ZNF254: variants seen among roughly 807,000 people sequenced by gnomAD.
ZNF254 encodes the protein zinc finger protein 254.
Under a neutral mutation model 12.4 loss-of-function variants are expected in ZNF254, and 10 were observed. That is an observed-to-expected ratio of 0.80 (90% CI 0.50 to 1.36). ZNF254 has a LOEUF of 1.36. ZNF254 is among the 40% of genes most tolerant of loss of function. ZNF254 has a pLI of 0.00. For missense variants in ZNF254, 996 were observed against 763.9 expected (o/e 1.30, Z -3.58); for synonymous variants, 305 against 253.4 (o/e 1.20, Z -1.93).
At chr19:24,094,087 C>T (rs1000196943) in intron 1 of ZNF254, among the ~76,000 whole-genome samples, 3 of 152,066 alleles carry the variant, frequency 2.0e-5, no homozygotes, top group African/African-American at 7.2e-5. Context: ...TGTTGATTTA[C>T]AGGGACGCTA....
chr19:24,061,402 G>C (rs1461289928), intron 2 of ZNF254, among the ~76,000 whole-genome samples: 1 of 152,176 alleles, frequency 6.6e-6, no homozygotes, highest in Non-Finnish European at 1.5e-5. Context: ...GGGTTCTTGT[G>C]ACATATATCT....
intron 3 of ZNF254, among the ~76,000 whole-genome samples, chr19:24,117,629 C>T (rs1974184562): frequency 6.6e-6 from 1 of 152,156 alleles, no homozygotes; most frequent in African/African-American, 2.4e-5. Context: ...AGGGAACTCC[C>T]TGACCCCTTG....
chr19:24,091,114 A>G (rs933343826), intron 1 of ZNF254, among the ~76,000 whole-genome samples: 1 of 151,534 alleles, frequency 6.6e-6, no homozygotes, highest in Middle Eastern at 3.2e-3. Flanking sequence ...ACACCTAGCT[A>G]ATTTTTGTAT....
rs1216995350 is a variant in ZNF254, at chr19:24,126,672, C to A, written c.672C>A (p.Thr224=). The change falls in exon 4 of 4, where the codon ACC becomes ACA. Residue 224 remains threonine, a synonymous_variant. Coordinates refer to ENST00000357002, the MANE Select transcript of ZNF254 (RefSeq NM_203282.4). ...GAAAAACCTTTAATTGGTCCTCAAC[C>A]CTTACTAATCATAGGAAAATTTATA... is the stretch of plus-strand genomic sequence containing the variant. ...ECGKTFNWSS[T]LTNHRKIYTE... 1.9e-6 allele frequency: 3 copies of A among 1,613,040 alleles called. No homozygotes were observed. The highest frequency in any genetic ancestry group is 2.7e-5 in the African/African-American group (2 of 74,868).
chr19:24,105,797 T>C lies in ZNF254; in HGVS notation c.31-143T>C. The stretch of plus-strand genomic sequence containing the variant: ...GAGAATACATTAGAAAATGTTCATG[T>C]GTTGACAATTATTTTATTGGATAAT... On this transcript the variant is annotated intron_variant, in intron 1 of 3. Coordinates refer to ENST00000357002, the MANE Select transcript of ZNF254 (RefSeq NM_203282.4). 2.3e-6 allele frequency: 3 copies of C among 1,328,316 alleles called. No homozygotes were observed. The East Asian group carries it at 8.9e-5, about 39-fold the overall frequency. 82.3% of individuals were successfully genotyped at this position (1,328,316 alleles called of 1,614,324 possible). A position where few individuals can be genotyped will look rare whatever the true frequency, so the allele number is the denominator to read the frequency against.
rs146027769 is a variant in ZNF254, at chr19:24,050,426, C to T, written c.-94+4147C>T. Among the ~76,000 whole-genome samples, 968 of 152,304 alleles carry T rather than the reference C, an allele frequency of 6.4e-3. 5 individuals are homozygous for T. Among genetic ancestry groups the T allele is most frequent in the Non-Finnish European group, 0.011 (725 of 68,024 alleles). On this transcript the variant is annotated intron_variant, in intron 2 of 4. Coordinates refer to the ZNF254 transcript ENST00000613065. Reference sequence around the variant, plus strand: ...CCACCCGCCTTGACCTCCCAATGTGCTGAGATTACAGGTGTGAACCATTGC... The same window carrying T: ...CCACCCGCCTTGACCTCCCAATGTGTTGAGATTACAGGTGTGAACCATTGC...
intron 1 of ZNF254, chr19:24,104,373 G>T (rs1181006503): frequency 1.3e-5 from 2 of 152,248 alleles, no homozygotes; most frequent in Non-Finnish European, 2.9e-5. Context: ...CAAGATGCAG[G>T]TGTAATTAGT....
At chr19:24,062,752 C>T (rs114582071) in intron 2 of ZNF254, among the ~76,000 whole-genome samples, 3 of 152,226 alleles carry the variant, frequency 2.0e-5, no homozygotes, top group Non-Finnish European at 2.9e-5. Flanking sequence ...GTTAGTGACT[C>T]GTTAACCAAA....
chr19:24,055,590 T>C (rs1425238012), intron 2 of ZNF254, among the ~76,000 whole-genome samples: 1 of 152,152 alleles, frequency 6.6e-6, no homozygotes, highest in Non-Finnish European at 1.5e-5. Flanking sequence ...AGATTTTCAC[T>C]GTTATATGAA....
intron 1 of ZNF254, among the ~76,000 whole-genome samples, chr19:24,088,963 T>A (rs1434264984): frequency 8.4e-6 from 1 of 119,366 alleles, no homozygotes; most frequent in Non-Finnish European, 1.8e-5. Flanking sequence ...GGCCAATTAA[T>A]CTTTTTTTTT....
chr19:24,108,319 T>C (rs948155898), intron 3 of ZNF254, among the ~76,000 whole-genome samples: 7 of 152,060 alleles, frequency 4.6e-5, no homozygotes, highest in Admixed American at 4.6e-4. Flanking sequence ...GTTTACAGAG[T>C]AAGTTTAAAA....
At chr19:24,117,575 C>G (rs142293137) in intron 3 of ZNF254, among the ~76,000 whole-genome samples, 1 of 152,062 alleles carries the variant, frequency 6.6e-6, no homozygotes, top group Non-Finnish European at 1.5e-5. Flanking sequence ...GGGAGTGACC[C>G]GACTTTCCAG....
At chr19:24,099,246 C>T (rs570707719) in intron 1 of ZNF254, among the ~76,000 whole-genome samples, 2 of 150,822 alleles carry the variant, frequency 1.3e-5, no homozygotes, top group Admixed American at 1.3e-4. Context: ...ACCTCATGAT[C>T]CACCAGCCTC....
At chr19:24,044,751 TCTTAA>T (rs1173318463) in intron 1 of ZNF254, among the ~76,000 whole-genome samples, 12 of 152,284 alleles carry the variant, frequency 7.9e-5, no homozygotes, top group Admixed American at 5.9e-4. Context: ...GAACCAGTTG[TCTTAA>T]CTTTCTTATT....
Position 24,106,081 on chromosome 19 carries a change from A to T in ZNF254, c.157+15A>T, listed in dbSNP as rs1401031110. ...GGCCTTCCTGGGTGAGGATAACTTT[A>T]ATACAAAATTCCTCACATAAACTAA... is the stretch of plus-strand genomic sequence containing the variant. On this transcript the variant is annotated intron_variant, in intron 2 of 3. Transcript: ENST00000357002. 1.9e-6 allele frequency: 3 copies of T among 1,567,384 alleles called. No homozygotes were observed. In the African/African-American group the frequency reaches 4.1e-5, roughly 21 times the overall value.
chr19:24,088,177 G>C (rs2145641573), intron 1 of ZNF254, among the ~76,000 whole-genome samples: 1 of 152,058 alleles, frequency 6.6e-6, no homozygotes, highest in African/African-American at 2.4e-5. Context: ...GAAAGTGCTA[G>C]GATTACAGGC....
intron 1 of ZNF254, among the ~76,000 whole-genome samples, chr19:24,089,776 C>T (rs1480184302): frequency 6.6e-6 from 1 of 151,964 alleles, no homozygotes; most frequent in Non-Finnish European, 1.5e-5. Flanking sequence ...TTCTTAAAGA[C>T]ACATTGCTGG....
Position 24,127,597 on chromosome 19 carries a change from C to A in ZNF254, c.1597C>A (p.Leu533Ile). Residue 533 changes from leucine (L) to isoleucine (I), a missense_variant, in exon 4 of 4, where the codon CTT becomes ATT. Transcript: ENST00000357002. ...CAAAGCCTTTAACTGGTCCTCAACT[C>A]TTACTAAACATAAGATAATTCATAC... is the stretch of plus-strand genomic sequence containing the variant. The part of the protein sequence containing the change: ...CGKAFNWSST[L>I]TKHKIIHTEE... 6.2e-7 allele frequency: 1 copy of A among 1,607,970 alleles called. No individual in the cohort carries two copies. Among genetic ancestry groups the A allele is most frequent in the Non-Finnish European group, 8.5e-7 (1 of 1,176,792 alleles).
intron 2 of ZNF254, among the ~76,000 whole-genome samples, chr19:24,055,126 C>T (rs1970791669): frequency 7.4e-6 from 1 of 135,220 alleles, no homozygotes; most frequent in African/African-American, 2.7e-5. Context: ...TTGCTTCAAC[C>T]CGGGAGGTGG....
Sources: allele counts gnomAD v4.1 joint callset (sites outside exome capture counted in the v4.1 genomes callset), GRCh38; gene constraint gnomAD v4.1.1; transcripts MANE v1.5; gene names NCBI Gene and HGNC (gene_info 2026-07-23, HGNC 2026-07-21).